Variants in SCML4 observed in about 807,000 individuals in gnomAD.
SCML4 encodes the protein sex comb on midleg-like protein 4.
Under a neutral mutation model 41.1 loss-of-function variants are expected in SCML4, and 34 were observed. The ratio of observed to expected loss-of-function variants is 0.83; its 90% CI spans 0.63 to 1.10. The LOEUF is 1.10. SCML4 is among the 50% of genes least tolerant of loss of function. The pLI, the probability that SCML4 is intolerant of heterozygous loss-of-function variation, is 0.00. For synonymous variants in SCML4, 214 were observed against 220.9 expected (o/e 0.97, Z 0.28); for missense variants, 522 against 534.1 (o/e 0.98, Z 0.22).
intron 7 of SCML4, among the ~76,000 whole-genome samples, chr6:107,706,103 T>C (rs1441209117): frequency 6.6e-6 from 1 of 152,164 alleles, no homozygotes; most frequent in Non-Finnish European, 1.5e-5. Flanking sequence ...ACAGGATTCA[T>C]ATAATGGTGC....
At chr6:107,706,435 A>T (rs1042723249) in intron 7 of SCML4, among the ~76,000 whole-genome samples, 3 of 152,214 alleles carry the variant, frequency 2.0e-5, no homozygotes, top group Non-Finnish European at 2.9e-5. Flanking sequence ...GAGTTAGATG[A>T]GAATCCTCCT....
At chr6:107,828,452 T>C (rs1423034609), upstream of SCML4, among the ~76,000 whole-genome samples, 1 of 152,226 alleles carries the variant, frequency 6.6e-6, no homozygotes, top group Non-Finnish European at 1.5e-5. Flanking sequence ...GAGTGCTTAG[T>C]TGTGATTATG....
At chr6:107,756,575 G>A (rs1219092401) in intron 2 of SCML4, among the ~76,000 whole-genome samples, 4 of 151,946 alleles carry the variant, frequency 2.6e-5, no homozygotes, top group African/African-American at 9.7e-5. Flanking sequence ...GAATAGAATA[G>A]GGAAAAGCTA....
intron 3 of SCML4, among the ~76,000 whole-genome samples, chr6:107,748,561 G>C (rs72933130): frequency 6.6e-6 from 1 of 152,222 alleles, no homozygotes; most frequent in African/African-American, 2.4e-5. Flanking sequence ...CAAGTCTTTT[G>C]GAAGACACTC....
Position 107,751,007 on chromosome 6 carries a change from A to T in SCML4, c.157-1194T>A, listed in dbSNP as rs144232693. 4.9e-3 allele frequency among the ~76,000 whole-genome samples: 746 copies of T among 152,112 alleles called. 5 individuals are homozygous for T. The highest frequency in any genetic ancestry group is 0.017 in the African/African-American group (706 of 41,484). Reference sequence around the variant, plus strand: ...CTAGTTCCCCAGTCATTCTATATTCACTCATTTATTTGTTCAACAAATATA... The same window carrying T: ...CTAGTTCCCCAGTCATTCTATATTCTCTCATTTATTTGTTCAACAAATATA... On this transcript the variant is annotated intron_variant, in intron 2 of 7. Transcript: ENST00000369020.
At chr6:107,736,655 AT>A (rs1263387917) in intron 5 of SCML4, among the ~76,000 whole-genome samples, 1 of 152,232 alleles carries the variant, frequency 6.6e-6, no homozygotes, top group Non-Finnish European at 1.5e-5. Context: ...CCTTTTAAAA[AT>A]AAATGATCTT....
chr6:107,726,076 CAAAA>C (rs59523273), intron 5 of SCML4, among the ~76,000 whole-genome samples: 4 of 105,014 alleles, frequency 3.8e-5, no homozygotes, highest in Non-Finnish European at 4.0e-5. Flanking sequence ...GACCCAGTCT[CAAAA>C]AAAAAAAAAA....
chr6:107,709,027 C>T (rs1321081180), intron 6 of SCML4, among the ~76,000 whole-genome samples: 1 of 152,056 alleles, frequency 6.6e-6, no homozygotes, highest in Non-Finnish European at 1.5e-5. Flanking sequence ...ATGCTGATGC[C>T]CTTCCACCCC....
At position 107,716,172 on chromosome 6, in the gene SCML4, C is replaced by T. The variant is rs1384843556; in HGVS notation, c.973+4531G>A. Among the ~76,000 whole-genome samples the T allele has an allele frequency of 2.0e-5, 3 of 152,276 alleles. No individual in the cohort carries two copies. The East Asian group carries it at 5.8e-4, about 29-fold the overall frequency. On this transcript the variant is annotated intron_variant, in intron 6 of 7. Transcript: ENST00000369020. Reference sequence around the variant, plus strand: ...GTGCAAATTTTGTTTAAGCAAAGCACATATAGAACCCCACTCTGCAAATGT... The same window carrying T: ...GTGCAAATTTTGTTTAAGCAAAGCATATATAGAACCCCACTCTGCAAATGT...
chr6:107,747,308 C>A (rs112489668), intron 3 of SCML4, among the ~76,000 whole-genome samples: 1 of 152,022 alleles, frequency 6.6e-6, no homozygotes, highest in East Asian at 1.9e-4. Flanking sequence ...TAACCGTCTA[C>A]GAACAAAAAA....
chr6:107,772,045 G>T, intron 2 of SCML4, 127 bp downstream of exon 2: 1 of 714,282 alleles, frequency 1.4e-6, no homozygotes, highest in Middle Eastern at 4.1e-4. Flanking sequence ...TTCACCGAGG[G>T]AGGCTTATTT....
At chr6:107,743,510 A>G (rs540569497) in intron 5 of SCML4, among the ~76,000 whole-genome samples, 2 of 152,236 alleles carry the variant, frequency 1.3e-5, no homozygotes, top group Middle Eastern at 3.2e-3. Context: ...TAGTTTAAGA[A>G]TATGTTTGTG....
At chr6:107,756,634 A>C (rs1779135531) in intron 2 of SCML4, among the ~76,000 whole-genome samples, 1 of 152,224 alleles carries the variant, frequency 6.6e-6, no homozygotes, top group Non-Finnish European at 1.5e-5. Flanking sequence ...AAGTATTATG[A>C]TGGGTTCACT....
chr6:107,810,602 C>G (rs1784085388), intron 1 of SCML4, among the ~76,000 whole-genome samples: 1 of 151,986 alleles, frequency 6.6e-6, no homozygotes, highest in African/African-American at 2.4e-5. Flanking sequence ...TGTGAGTGGC[C>G]TAAAATTTAA....
intron 6 of SCML4, among the ~76,000 whole-genome samples, chr6:107,715,923 G>A (rs1774736485): frequency 8.1e-6 from 1 of 123,894 alleles, no homozygotes; most frequent in East Asian, 2.7e-4. Flanking sequence ...AAAGAGGTAT[G>A]GTTTTTTTGA....
intron 5 of SCML4, chr6:107,731,930 A>G (rs1776598134): frequency 6.6e-6 from 1 of 152,474 alleles, no homozygotes; most frequent in African/African-American, 2.4e-5. Flanking sequence ...TGCCAGCTGC[A>G]CCTCTTTTAC....
At chr6:107,730,027 A>T (rs898547170) in intron 5 of SCML4, among the ~76,000 whole-genome samples, 4 of 152,108 alleles carry the variant, frequency 2.6e-5, no homozygotes, top group African/African-American at 9.7e-5. Flanking sequence ...TGTACCCTTT[A>T]CACTATCCAA....
chr6:107,756,609 CTTTA>C (rs747181498), intron 2 of SCML4, among the ~76,000 whole-genome samples: 9 of 151,862 alleles, frequency 5.9e-5, no homozygotes, highest in South Asian at 2.1e-4. Flanking sequence ...AAAATATTGA[CTTTA>C]TTTAATAATG....
At chr6:107,812,822 C>T (rs182429908) in intron 1 of SCML4, among the ~76,000 whole-genome samples, 23 of 151,702 alleles carry the variant, frequency 1.5e-4, no homozygotes, top group Admixed American at 1.3e-3. Context: ...CGGGACTTCT[C>T]GGCCTCCATA....
Sources: gnomAD v4.1 joint callset for allele counts (sites outside exome capture counted in the v4.1 genomes callset) on GRCh38, gnomAD v4.1.1 for gene constraint, MANE v1.5 for transcripts, NCBI Gene and HGNC (gene_info 2026-07-23, HGNC 2026-07-21) for gene names.